The following PAPOLA variants were observed in gnomAD, a reference collection of about 807,000 sequenced individuals.
PAPOLA encodes the protein poly(A) polymerase alpha.
A neutral mutation model predicts 100.6 loss-of-function variants in PAPOLA; 15 were observed. The observed-to-expected ratio is 0.15, with a 90% CI of 0.10 to 0.23. The LOEUF (loss-of-function observed/expected upper bound fraction) is 0.23, where lower values mean the gene tolerates loss of function less well. Ranked by LOEUF, PAPOLA falls within the 10% of genes least tolerant of loss-of-function variation. The probability of loss-of-function intolerance (pLI) is 1.00; values close to 1 mark genes in which losing one functional copy is unlikely to be tolerated. For synonymous variants in PAPOLA, 293 were observed against 300.0 expected, an observed-to-expected ratio of 0.98 and a Z score of 0.24; for missense variants, 533 against 884.2, an observed-to-expected ratio of 0.60 and a Z score of 5.04.
chr14:96,561,706 T>C (rs1238106901), intron 20 of PAPOLA, among the ~76,000 whole-genome samples: 1 of 152,216 alleles, frequency 6.6e-6, no homozygotes, highest in African/African-American at 2.4e-5. Context: ...GAAAATAGTA[T>C]GCTTTATCTT....
At chr14:96,510,367 C>G (rs534949169) in intron 1 of PAPOLA, among the ~76,000 whole-genome samples, 41 of 149,012 alleles carry the variant, frequency 2.8e-4, no homozygotes, top group African/African-American at 9.8e-4. Context: ...ATTTACATTT[C>G]TTTCATTTTC....
chr14:96,557,750 T>C (rs371278494), intron 19 of PAPOLA, among the ~76,000 whole-genome samples: 25 of 151,494 alleles, frequency 1.7e-4, no homozygotes, highest in African/African-American at 3.9e-4. Context: ...TTCTTTCTTT[T>C]TTTTTTTTTT....
intron 3 of PAPOLA, among the ~76,000 whole-genome samples, chr14:96,521,534 A>C (rs1897962891): frequency 6.6e-6 from 1 of 152,070 alleles, no homozygotes; most frequent in Non-Finnish European, 1.5e-5. Flanking sequence ...TCTGTCATTC[A>C]GGCGGAGTGT....
chr14:96,544,782 C>T (rs1293127203), intron 15 of PAPOLA, among the ~76,000 whole-genome samples: 1 of 152,016 alleles, frequency 6.6e-6, no homozygotes, highest in Non-Finnish European at 1.5e-5. Flanking sequence ...CTGCCTTCAT[C>T]ATCTTGAACC....
At chr14:96,534,375 G>T in intron 9 of PAPOLA, 116 bp from the exon 10 acceptor site, 1 of 1,514,398 alleles carries the variant, frequency 6.6e-7, no homozygotes, top group Admixed American at 2.2e-5. Context: ...AACGTTGTAT[G>T]TACCAAGAAG....
chr14:96,507,726 T>C (rs1427747007), intron 1 of PAPOLA, among the ~76,000 whole-genome samples: 1 of 152,242 alleles, frequency 6.6e-6, no homozygotes, highest in Non-Finnish European at 1.5e-5. Context: ...GAGTGCTCAA[T>C]ACATTTTAAG....
intron 1 of PAPOLA, among the ~76,000 whole-genome samples, chr14:96,503,631 T>G (rs1896498648): frequency 6.6e-6 from 1 of 152,204 alleles, no homozygotes; most frequent in African/African-American, 2.4e-5. Flanking sequence ...GGACCGAGTT[T>G]TCTTCATCTT....
At position 96,544,198 on chromosome 14, in the gene PAPOLA, G is replaced by A. The variant is rs1192481049; in HGVS notation, c.1339G>A (p.Glu447Lys). 6.2e-7 allele frequency: 1 copy of A among 1,609,898 alleles called. No homozygotes were observed. The highest frequency in any genetic ancestry group is 8.5e-7 in the Non-Finnish European group (1 of 1,176,408). Residue 447 changes from glutamate to lysine, a missense_variant, in exon 15 of 22, where the codon GAA (glutamate) becomes AAA (lysine). Glu to Lys is a moderately conservative substitution (Grantham distance 56, BLOSUM62 1). Around this residue, in one of 9 missense-constraint regions of PAPOLA, gnomAD observed 19 missense variants for 18.7 expected, o/e 1.01. Transcript: ENST00000216277. The part of the protein sequence containing the change: ...WVIGLVFKKT[E>K]NSENLSVDLT... Reference sequence around the variant, plus strand: ...GATTGGGTTAGTGTTTAAAAAAACAGAAAACTCTGAAAACCTCAGTGTTGA... The same window carrying A: ...GATTGGGTTAGTGTTTAAAAAAACAAAAAACTCTGAAAACCTCAGTGTTGA...
At chr14:96,527,723 G>A (rs990249785) in intron 5 of PAPOLA, 184 bp downstream of exon 5, 5 of 608,988 alleles carry the variant, frequency 8.2e-6, no homozygotes, top group Admixed American at 2.9e-5. Flanking sequence ...CTCATTTACA[G>A]ATTAGGAAAT....
Position 96,535,980 on chromosome 14 carries a change from G to A in PAPOLA, c.1011G>A (p.Met337Ile), listed in dbSNP as rs140991527. The A allele has an allele frequency of 1.5e-5, 24 of 1,602,402 alleles. No homozygotes were observed. In the Admixed American group the frequency reaches 3.9e-4, roughly 26 times the overall value. The change falls in exon 11 of 22, where the codon ATG becomes ATA. Residue 337 changes from methionine to isoleucine, a missense_variant. Met to Ile is a conservative substitution (Grantham distance 10). Around this residue, in one of 9 missense-constraint regions of PAPOLA, gnomAD observed 87 missense variants for 173.3 expected, o/e 0.50. Transcript: ENST00000216277. The part of the protein sequence containing the change: ...YNVSVSTRMV[M>I]VEEFKQGLAI... ...TGTCCGTTTCAACACGGATGGTCAT[G>A]GTTGAGGAGTTTAAACAAGGTAAGT... is the stretch of plus-strand genomic sequence containing the variant.
intron 11 of PAPOLA, 78 bp downstream of exon 11, chr14:96,536,077 A>G (rs1277295855): frequency 9.2e-7 from 1 of 1,085,922 alleles, no homozygotes; most frequent in Non-Finnish European, 1.2e-6. Context: ...CAGCTGTGCA[A>G]CTTAAATTGA....
chr14:96,552,431 A>T, intron 16 of PAPOLA, 49 bp from the exon 17 acceptor site: 1 of 1,519,676 alleles, frequency 6.6e-7, no homozygotes, highest in Non-Finnish European at 9.1e-7. Flanking sequence ...ATGTTTCAAC[A>T]TTTGGATGAA....
chr14:96,564,057 A>G (rs544065828), intron 21 of PAPOLA, among the ~76,000 whole-genome samples: 1 of 152,138 alleles, frequency 6.6e-6, no homozygotes, highest in East Asian at 1.9e-4. Flanking sequence ...CCAGTTATGT[A>G]AGAAGAATGA....
chr14:96,509,065 A>G (rs1485432358), intron 1 of PAPOLA, among the ~76,000 whole-genome samples: 1 of 152,124 alleles, frequency 6.6e-6, no homozygotes, highest in African/African-American at 2.4e-5. Context: ...ACAGGAACTC[A>G]CTGTTGCCCA....
At chr14:96,554,694 A>G (rs1901148001) in intron 17 of PAPOLA, among the ~76,000 whole-genome samples, 1 of 152,158 alleles carries the variant, frequency 6.6e-6, no homozygotes, top group South Asian at 2.1e-4. Context: ...TTTTTCTTTT[A>G]GGAGGTAATA....
intron 1 of PAPOLA, among the ~76,000 whole-genome samples, chr14:96,505,745 A>G (rs1215443452): frequency 1.3e-5 from 2 of 152,044 alleles, no homozygotes; most frequent in Admixed American, 6.5e-5. Flanking sequence ...TGTTCAAACT[A>G]TTTTCATGTT....
intron 1 of PAPOLA, among the ~76,000 whole-genome samples, chr14:96,508,413 G>T (rs61570427): frequency 6.6e-6 from 1 of 151,992 alleles, no homozygotes. Context: ...GTGGTGTTCT[G>T]CCTTAAACAT....
intron 1 of PAPOLA, among the ~76,000 whole-genome samples, chr14:96,516,685 T>A (rs1897494274): frequency 6.6e-6 from 1 of 152,218 alleles, no homozygotes. Context: ...TGGTTTTATC[T>A]TGACAGAAAG....
Position 96,532,816 on chromosome 14 carries a change from A to T in PAPOLA, c.836+167A>T, listed in dbSNP as rs79971494. The T allele has an allele frequency of 0.055, 73,167 of 1,334,698 alleles. 2,131 individuals carry two copies. Among genetic ancestry groups the T allele is most frequent in the Non-Finnish European group, 0.059 (61,375 of 1,048,970 alleles). The allele number at this position is 1,334,698 out of a possible 1,614,324, so 82.7% of individuals were successfully genotyped here. A position where few individuals can be genotyped will look rare whatever the true frequency, so the allele number is the denominator to read the frequency against. On this transcript the variant is annotated intron_variant, in intron 9 of 21. Coordinates refer to ENST00000216277, the MANE Select transcript of PAPOLA (RefSeq NM_032632.5). ...GTGTATAAAATGGCAAACTGAAACT[A>T]TTTTTTTTCCCTAGTTTGGCCAGGA...
Sources: gnomAD v4.1 joint callset for allele counts (sites outside exome capture counted in the v4.1 genomes callset) on GRCh38, gnomAD v4.1.1 for gene constraint, gnomAD v4.1.1 regional missense constraint, MANE v1.5 for transcripts, NCBI Gene and HGNC (gene_info 2026-07-23, HGNC 2026-07-21) for gene names.